AFTPH: variants seen among roughly 807,000 people sequenced by gnomAD.
The protein encoded by AFTPH is aftiphilin protein.
In AFTPH, 7 loss-of-function variants were observed where a neutral mutation model predicts 72.5. That is an observed-to-expected ratio of 0.10 (90% CI 0.05 to 0.18). The LOEUF is 0.18. Ranked by LOEUF, AFTPH falls within the 10% of genes least tolerant of loss-of-function variation. The pLI is 1.00. For synonymous variants in AFTPH, 337 were observed against 370.1 expected, an observed-to-expected ratio of 0.91 and a Z score of 1.03; for missense variants, 979 against 1,060.5, an observed-to-expected ratio of 0.92 and a Z score of 1.07.
chr2:64,530,363 G>A (rs544421566), intron 1 of AFTPH, among the ~76,000 whole-genome samples: 28 of 152,110 alleles, frequency 1.8e-4, no homozygotes, highest in African/African-American at 5.8e-4. Context: ...ACCCAAAAAT[G>A]TCCCCTGGCA....
Position 64,569,080 on chromosome 2 carries a change from T to C in AFTPH, c.2088-12T>C, listed in dbSNP as rs1573011343. On this transcript the variant is annotated splice_polypyrimidine_tract_variant and intron_variant, in intron 3 of 8. Transcript: ENST00000238856. ...TAACCTGTTGTTGATGGCTTCATCATGGCCTTTGCAGGGAATTGCTAGATG... is the reference window on the plus strand; with the variant it reads ...TAACCTGTTGTTGATGGCTTCATCACGGCCTTTGCAGGGAATTGCTAGATG... 2 of 1,613,964 alleles carry C rather than the reference T, an allele frequency of 1.2e-6. No homozygotes were observed. The highest frequency in any genetic ancestry group is 4.5e-5 in the East Asian group (2 of 44,866).
chr2:64,565,861 C>T (rs1672053898), intron 2 of AFTPH, among the ~76,000 whole-genome samples: 1 of 151,996 alleles, frequency 6.6e-6, no homozygotes, highest in Non-Finnish European at 1.5e-5. Context: ...TCCTTTTTTG[C>T]CTCAGCTTCA....
chr2:64,563,742 A>G (rs1390425856), intron 2 of AFTPH, among the ~76,000 whole-genome samples: 1 of 152,134 alleles, frequency 6.6e-6, no homozygotes, highest in Non-Finnish European at 1.5e-5. Context: ...AGTAGCTGGG[A>G]TTACAGGCAC....
chr2:64,563,132 A>G (rs533887157), intron 2 of AFTPH, among the ~76,000 whole-genome samples: 48 of 152,354 alleles, frequency 3.2e-4, no homozygotes, highest in African/African-American at 1.0e-3. Flanking sequence ...AGGAGTTCAC[A>G]TAAGCAGAGT....
intron 1 of AFTPH, among the ~76,000 whole-genome samples, chr2:64,549,234 C>T (rs1670866797): frequency 6.7e-6 from 1 of 150,084 alleles, no homozygotes. Context: ...AACTGGGCAG[C>T]TGTGAGTTGT....
At chr2:64,587,820 C>T (rs1033625807) in intron 8 of AFTPH, among the ~76,000 whole-genome samples, 1 of 152,096 alleles carries the variant, frequency 6.6e-6, no homozygotes, top group Non-Finnish European at 1.5e-5. Flanking sequence ...GTTCCATCTT[C>T]TTGCCTAACT....
chr2:64,533,070 A>T (rs183540649), intron 1 of AFTPH, among the ~76,000 whole-genome samples: 1 of 152,212 alleles, frequency 6.6e-6, no homozygotes, highest in Non-Finnish European at 1.5e-5. Flanking sequence ...CAAGCTGAAG[A>T]CAATTATGAA....
chr2:64,560,298 T>G (rs1260708204), intron 2 of AFTPH, among the ~76,000 whole-genome samples: 2 of 152,116 alleles, frequency 1.3e-5, no homozygotes, highest in African/African-American at 4.8e-5. Context: ...AAGTTGTCAA[T>G]TCATACATGA....
chr2:64,572,220 CA>C (rs34614295), intron 5 of AFTPH, among the ~76,000 whole-genome samples: 2,255 of 116,758 alleles, frequency 0.019, 67 homozygotes, highest in East Asian at 0.16. Flanking sequence ...AACTCTGTCT[CA>C]AAAAAAAAAA....
At chr2:64,581,169 A>G (rs1441217688) in intron 7 of AFTPH, 21 bp from the exon 8 acceptor site, 1 of 1,573,308 alleles carries the variant, frequency 6.4e-7, no homozygotes, top group Non-Finnish European at 8.6e-7. Context: ...CTGCCTACCA[A>G]CACGGTCACT....
At chr2:64,550,696 C>G (rs902092786) in intron 1 of AFTPH, among the ~76,000 whole-genome samples, 9 of 122,842 alleles carry the variant, frequency 7.3e-5, no homozygotes, top group African/African-American at 2.2e-4. Flanking sequence ...CACACACACA[C>G]ACACACACAC....
chr2:64,578,424 A>G (rs1672956578), intron 6 of AFTPH, among the ~76,000 whole-genome samples: 1 of 152,210 alleles, frequency 6.6e-6, no homozygotes, highest in South Asian at 2.1e-4. Context: ...ACATTTTTTC[A>G]TGTAAGAATA....
At chr2:64,551,915 T>G (rs1448901901) in exon 2 of AFTPH, 4 of 1,613,644 alleles carry the variant, frequency 2.5e-6, no homozygotes, top group Non-Finnish European at 3.4e-6. Context: ...TTGGAACACT[T>G]GAAAGTTTCT....
Position 64,552,576 on chromosome 2 carries a change from C to G in AFTPH, c.1102C>G (p.Leu368Val), listed in dbSNP as rs1009912088. ...CTTACTTACTTCTAAATGTGCTCAC[C>G]TATGCATGGATTCTGTTAAAACTTC... The change falls in exon 2 of 9, where the codon CTA (leucine) becomes GTA (valine). Residue 368 changes from leucine to valine, a missense_variant. By Grantham distance (32) the Leu-to-Val change is conservative. Around this residue, in one of 3 missense-constraint regions of AFTPH, gnomAD observed 498 missense variants for 467.6 expected, o/e 1.06. Transcript: ENST00000238856. 6.8e-6 allele frequency: 11 copies of G among 1,614,006 alleles called. No homozygotes were observed. Among genetic ancestry groups the G allele is most frequent in the Admixed American group, 1.7e-5 (1 of 60,002 alleles).
At chr2:64,533,994 T>G (rs2103819756) in intron 1 of AFTPH, among the ~76,000 whole-genome samples, 1 of 152,290 alleles carries the variant, frequency 6.6e-6, no homozygotes, top group East Asian at 1.9e-4. Context: ...TTTAATATTT[T>G]CTTACATTTT....
chr2:64,529,616 C>CA (rs202007752), intron 1 of AFTPH, among the ~76,000 whole-genome samples: 48 of 137,816 alleles, frequency 3.5e-4, no homozygotes, highest in East Asian at 8.2e-4. Context: ...AATAGACAAG[C>CA]AAAAAAAAAC....
intron 1 of AFTPH, among the ~76,000 whole-genome samples, chr2:64,548,793 T>TG (rs1419992470): frequency 6.6e-6 from 1 of 152,206 alleles, no homozygotes; most frequent in African/African-American, 2.4e-5. Flanking sequence ...GTGTGTATCT[T>TG]GTACTTTTTT....
chr2:64,547,072 T>G (rs1055575141), intron 1 of AFTPH, among the ~76,000 whole-genome samples: 3 of 151,952 alleles, frequency 2.0e-5, no homozygotes, highest in African/African-American at 7.3e-5. Flanking sequence ...CATACATACA[T>G]ACATACTACC....
rs2104177160 is a variant in AFTPH at position 64,579,613 on chromosome 2, C to T, written c.2455+67C>T. On this transcript the variant is annotated intron_variant, in intron 7 of 8. Transcript: ENST00000238856. The stretch of plus-strand genomic sequence containing the variant: ...AAGAAAGCTACAAAGTTCAGACAAA[C>T]TTCTCTCTGCTGATTTCCTTTTTTG... The T allele has an allele frequency of 6.0e-6, 8 of 1,342,802 alleles. No individual in the cohort carries two copies. The Middle Eastern group carries it at 1.5e-3, about 245-fold the overall frequency. The allele number at this position is 1,342,802 out of a possible 1,614,324, so 83.2% of individuals were successfully genotyped here. A position where few individuals can be genotyped will look rare whatever the true frequency, so the allele number is the denominator to read the frequency against.
Sources: allele counts gnomAD v4.1 joint callset (sites outside exome capture counted in the v4.1 genomes callset), GRCh38; gene constraint gnomAD v4.1.1; regional missense constraint gnomAD v4.1.1; transcripts MANE v1.5; gene names NCBI Gene and HGNC (gene_info 2026-07-23, HGNC 2026-07-21).